CCSER1: variants seen among roughly 807,000 people sequenced by gnomAD.
CCSER1 encodes coiled-coil serine rich protein 1.
CCSER1 carries 41 observed loss-of-function variants against 82.0 expected under a neutral mutation model. The observed-to-expected ratio is 0.50, with a 90% CI of 0.39 to 0.65. The LOEUF is 0.65. Ranked by LOEUF, CCSER1 falls within the 30% of genes least tolerant of loss-of-function variation. The pLI is 0.00. For missense variants in CCSER1, 1,119 were observed against 1,064.2 expected, an observed-to-expected ratio of 1.05 and a Z score of -0.72; for synonymous variants, 414 against 383.9, an observed-to-expected ratio of 1.08 and a Z score of -0.92.
intron 9 of CCSER1, among the ~76,000 whole-genome samples, chr4:90,970,395 A>G (rs12507128): frequency 0.067 from 10,180 of 152,038 alleles, 504 homozygotes; most frequent in East Asian, 0.2. Flanking sequence ...CATTTCATTA[A>G]GTGGATATAG....
At chr4:90,650,948 A>G (rs1728644692) in intron 6 of CCSER1, among the ~76,000 whole-genome samples, 3 of 152,334 alleles carry the variant, frequency 2.0e-5, no homozygotes, top group African/African-American at 7.2e-5. Context: ...AAGTCGAACT[A>G]ACTTGGGATA....
intron 10 of CCSER1, among the ~76,000 whole-genome samples, chr4:91,420,195 CAAAT>C (rs1753611759): frequency 6.6e-6 from 1 of 152,040 alleles, no homozygotes; most frequent in Admixed American, 6.5e-5. Flanking sequence ...CAAAAATAAA[CAAAT>C]GGGACAACAG....
At chr4:90,342,914 A>T (rs145053285) in intron 3 of CCSER1, among the ~76,000 whole-genome samples, 17 of 151,576 alleles carry the variant, frequency 1.1e-4, no homozygotes, top group Non-Finnish European at 2.2e-4. Flanking sequence ...TTCTTATCTT[A>T]TTGCTCTTTT....
intron 7 of CCSER1, among the ~76,000 whole-genome samples, chr4:90,791,632 C>T (rs1017153360): frequency 1.1e-4 from 17 of 152,054 alleles, no homozygotes; most frequent in African/African-American, 3.6e-4. Flanking sequence ...GGGCGGATCA[C>T]GAGGTCAGGA....
At chr4:90,925,501 A>G (rs938763070) in intron 9 of CCSER1, among the ~76,000 whole-genome samples, 7 of 152,288 alleles carry the variant, frequency 4.6e-5, no homozygotes, top group Admixed American at 2.0e-4. Flanking sequence ...ATGTGACACT[A>G]TTAGTGATTG....
At chr4:91,203,798 T>C (rs1736123998) in intron 10 of CCSER1, among the ~76,000 whole-genome samples, 1 of 151,826 alleles carries the variant, frequency 6.6e-6, no homozygotes, top group African/African-American at 2.4e-5. Context: ...GAATCAATAC[T>C]AGTTTCTATA....
At chr4:91,370,190 A>G (rs906534208) in intron 10 of CCSER1, among the ~76,000 whole-genome samples, 5 of 152,154 alleles carry the variant, frequency 3.3e-5, no homozygotes, top group African/African-American at 1.2e-4. Flanking sequence ...ACTTATAAAG[A>G]AAGACTGGGA....
chr4:90,243,577 G>A (rs893926505), intron 1 of CCSER1, among the ~76,000 whole-genome samples: 1 of 151,278 alleles, frequency 6.6e-6, no homozygotes, highest in Non-Finnish European at 1.5e-5. Flanking sequence ...GGGGAGGTGG[G>A]GGGTCTTGCT....
Position 90,312,973 on chromosome 4 carries a change from G to T in CCSER1, c.1435G>T (p.Asp479Tyr), listed in dbSNP as rs1414232911. Residue 479 changes from aspartate to tyrosine, a missense_variant, in exon 3 of 11, where the codon GAT (aspartate) becomes TAT (tyrosine). Coordinates refer to ENST00000509176, the MANE Select transcript of CCSER1 (RefSeq NM_001145065.2). Reference protein sequence around the residue: ...GSSRMILKPKDGNIEEVNSLR... With the variant: ...GSSRMILKPKYGNIEEVNSLR... ...TAGCAGAATGATTTTGAAACCGAAA[G>T]ATGGAAATATAGAAGAAGTTAATAG... 9 of 1,602,350 alleles carry T rather than the reference G, an allele frequency of 5.6e-6. No homozygotes were observed. The African/African-American group carries it at 9.4e-5, about 17-fold the overall frequency.
intron 3 of CCSER1, among the ~76,000 whole-genome samples, chr4:90,337,381 C>T (rs1047463745): frequency 2.6e-5 from 4 of 152,120 alleles, no homozygotes; most frequent in South Asian, 2.1e-4. Flanking sequence ...GAGGCCAAGT[C>T]GTGAAGAGGG....
intron 10 of CCSER1, among the ~76,000 whole-genome samples, chr4:91,098,477 G>C (rs771157962): frequency 1.3e-5 from 2 of 151,740 alleles, no homozygotes; most frequent in Non-Finnish European, 2.9e-5. Flanking sequence ...GACTACTTTA[G>C]GACTAGGTTA....
intron 10 of CCSER1, among the ~76,000 whole-genome samples, chr4:91,177,870 C>A (rs774445845): frequency 6.6e-6 from 1 of 152,098 alleles, no homozygotes; most frequent in Non-Finnish European, 1.5e-5. Context: ...AAGGTGTTTG[C>A]TCTTGCTTCT....
At chr4:91,279,033 T>C (rs1742695378) in intron 10 of CCSER1, among the ~76,000 whole-genome samples, 2 of 152,096 alleles carry the variant, frequency 1.3e-5, no homozygotes, top group Admixed American at 1.3e-4. Flanking sequence ...ATTTGCTGTA[T>C]AGCATGTCCT....
intron 9 of CCSER1, among the ~76,000 whole-genome samples, chr4:91,003,015 T>A (rs971965276): frequency 9.2e-5 from 14 of 152,150 alleles, no homozygotes; most frequent in African/African-American, 3.4e-4. Flanking sequence ...GATTGTTATC[T>A]CTCTCTGGAT....
intron 10 of CCSER1, among the ~76,000 whole-genome samples, chr4:91,236,244 T>C (rs576306369): frequency 1.3e-5 from 2 of 152,238 alleles, no homozygotes; most frequent in South Asian, 2.1e-4. Context: ...TCCCAGCACT[T>C]TGGGAGGCCG....
At chr4:90,375,983 T>G (rs1487003463) in intron 3 of CCSER1, among the ~76,000 whole-genome samples, 1 of 152,152 alleles carries the variant, frequency 6.6e-6, no homozygotes, top group Non-Finnish European at 1.5e-5. Flanking sequence ...GAAAAACAGT[T>G]GTAAAAACAC....
intron 9 of CCSER1, among the ~76,000 whole-genome samples, chr4:90,930,706 C>T (rs1355952913): frequency 6.6e-6 from 1 of 151,574 alleles, no homozygotes; most frequent in Non-Finnish European, 1.5e-5. Flanking sequence ...CTTGAAGTAT[C>T]TCTCATTATC....
intron 6 of CCSER1, among the ~76,000 whole-genome samples, chr4:90,633,936 C>T (rs893038487): frequency 2.0e-5 from 3 of 151,662 alleles, no homozygotes; most frequent in African/African-American, 4.8e-5. Context: ...GAAAAATGAC[C>T]GATGTTGGGC....
intron 10 of CCSER1, among the ~76,000 whole-genome samples, chr4:91,553,530 G>C (rs945966290): frequency 6.6e-6 from 1 of 150,610 alleles, no homozygotes; most frequent in Non-Finnish European, 1.5e-5. Flanking sequence ...GCTTCTCTTC[G>C]TCGGGAGATA....
Sources: gnomAD v4.1 joint callset for allele counts (sites outside exome capture counted in the v4.1 genomes callset) on GRCh38, gnomAD v4.1.1 for gene constraint, MANE v1.5 for transcripts, NCBI Gene and HGNC (gene_info 2026-07-23, HGNC 2026-07-21) for gene names.